PTPRQ: variants seen among roughly 807,000 people sequenced by gnomAD.
PTPRQ encodes protein tyrosine phosphatase receptor type Q, also known as phosphatidylinositol phosphatase PTPRQ.
Under a neutral mutation model 246.0 loss-of-function variants are expected in PTPRQ, and 199 were observed. The ratio of observed to expected loss-of-function variants is 0.81; its 90% CI spans 0.72 to 0.91. PTPRQ has a LOEUF of 0.91. Ranked by LOEUF, PTPRQ falls within the 40% of genes least tolerant of loss-of-function variation. The probability of loss-of-function intolerance (pLI) is 0.00; values close to 1 mark genes in which losing one functional copy is unlikely to be tolerated. For missense variants in PTPRQ, 2,624 were observed against 2,528.4 expected (o/e 1.04, Z -0.81); for synonymous variants, 869 against 853.2 (o/e 1.02, Z -0.32).
chr12:80,479,626 A>G (rs1289135958), intron 8 of PTPRQ, among the ~76,000 whole-genome samples: 14 of 141,934 alleles, frequency 9.9e-5, no homozygotes, highest in African/African-American at 3.8e-4. Flanking sequence ...TGTATTCAGG[A>G]AACCCATCTC....
chr12:80,650,501 C>T (rs1050125282), intron 37 of PTPRQ, among the ~76,000 whole-genome samples: 41 of 151,456 alleles, frequency 2.7e-4, no homozygotes, highest in African/African-American at 9.2e-4. Flanking sequence ...TATTTTTTTC[C>T]ATGAAATTTC....
At chr12:80,642,507 T>C (rs566529768) in intron 35 of PTPRQ, among the ~76,000 whole-genome samples, 2 of 152,314 alleles carry the variant, frequency 1.3e-5, no homozygotes, top group African/African-American at 4.8e-5. Flanking sequence ...GGCTTAGTAA[T>C]AAGGAAAATT....
chr12:80,541,752 T>C lies in PTPRQ; in HGVS notation c.3352T>C (p.Tyr1118His). 1 of 1,551,164 alleles carries C rather than the reference T, an allele frequency of 6.4e-7. No homozygotes were observed. The highest frequency in any genetic ancestry group is 2.4e-5 in the East Asian group (1 of 40,894). Residue 1118 changes from tyrosine to histidine, a missense_variant, in exon 21 of 45, where the codon TAC becomes CAC. Physicochemically the swap from Tyr to His is moderately conservative, Grantham distance 83. Transcript: ENST00000644991. ...RSIYFDNLEK[Y>H]TDYILKITPS... ...CATATATTTTGATAATCTGGAAAAA[T>C]ACACTGATTATATATTAAAAATTAC... is the stretch of plus-strand genomic sequence containing the variant.
Position 80,496,413 on chromosome 12 carries a change from C to T in PTPRQ, c.2154C>T (p.Asp718=), listed in dbSNP as rs749565156. The T allele has an allele frequency of 6.4e-7, 1 of 1,550,726 alleles. No homozygotes were observed. Among genetic ancestry groups the T allele is most frequent in the South Asian group, 1.2e-5 (1 of 83,992 alleles). The change falls in exon 14 of 45, where the codon GAC becomes GAT. Residue 718 remains aspartate (D), a synonymous_variant. Coordinates refer to ENST00000644991, the MANE Select transcript of PTPRQ (RefSeq NM_001145026.2). ...ATATGAAGAACACATCAACAACAGA[C>T]ATAATATTAAGGAACTTAAGACCTC... ...TLYMKNTSTT[D]IILRNLRPHT... is the part of the protein sequence containing the mutation.
In PTPRQ at chr12:80,635,158, G is replaced by T. The variant is rs902716458; in HGVS notation, c.5915+85G>T. Reference sequence around the variant, plus strand: ...TGACCTATGCTTGTTGGAAGTGTTTGTGGGGCTCTAATTTACACAGGTCAC... The same window carrying T: ...TGACCTATGCTTGTTGGAAGTGTTTTTGGGGCTCTAATTTACACAGGTCAC... On this transcript the variant is annotated intron_variant, in intron 35 of 44. Coordinates refer to ENST00000644991, the MANE Select transcript of PTPRQ (RefSeq NM_001145026.2). 1.4e-5 allele frequency: 21 copies of T among 1,485,798 alleles called. No individual in the cohort carries two copies. In the East Asian group the frequency reaches 4.9e-4, roughly 35 times the overall value. The allele number at this position is 1,485,798 out of a possible 1,614,324, so 92.0% of individuals were successfully genotyped here. A position where few individuals can be genotyped will look rare whatever the true frequency, so the allele number is the denominator to read the frequency against.
At chr12:80,676,588 G>A (rs1455108271) in intron 43 of PTPRQ, among the ~76,000 whole-genome samples, 2 of 152,166 alleles carry the variant, frequency 1.3e-5, no homozygotes, top group African/African-American at 4.8e-5. Context: ...GTTGCAGTGA[G>A]CCAAGACTGC....
At chr12:80,482,301 C>G (rs1018442098) in intron 8 of PTPRQ, among the ~76,000 whole-genome samples, 20 of 151,454 alleles carry the variant, frequency 1.3e-4, no homozygotes, top group African/African-American at 4.9e-4. Flanking sequence ...ATAAATGGTG[C>G]TGGGAAAACT....
In PTPRQ at chr12:80,670,447, G is replaced by C; in HGVS notation, c.6557G>C (p.Arg2186Pro). Reference sequence around the variant, plus strand: ...CTAATTCACTTTGTGAAGTTGGTTCGAGCAAGCAGGGCACATGACACCACA... The same window carrying C: ...CTAATTCACTTTGTGAAGTTGGTTCCAGCAAGCAGGGCACATGACACCACA... The part of the protein sequence containing the change: ...APLIHFVKLV[R>P]ASRAHDTTPM... Residue 2186 changes from arginine to proline, a missense_variant, in exon 42 of 45, where the codon CGA becomes CCA. Arg to Pro is a moderately radical substitution (Grantham distance 103, BLOSUM62 -2). Transcript: ENST00000644991. 6.4e-7 allele frequency: 1 copy of C among 1,551,190 alleles called. No homozygotes were observed. The highest frequency in any genetic ancestry group is 8.7e-7 in the Non-Finnish European group (1 of 1,146,594).
intron 6 of PTPRQ, among the ~76,000 whole-genome samples, chr12:80,461,488 G>A (rs1053805613): frequency 6.6e-6 from 1 of 151,560 alleles, no homozygotes; most frequent in Non-Finnish European, 1.5e-5. Context: ...TTTTGGTAAG[G>A]TATTCATATA....
chr12:80,498,835 A>G (rs1384312044), intron 14 of PTPRQ, among the ~76,000 whole-genome samples: 1 of 152,066 alleles, frequency 6.6e-6, no homozygotes, highest in Non-Finnish European at 1.5e-5. Context: ...TTTAATGATG[A>G]ATTATAAAGC....
chr12:80,563,441 A>T (rs897758500), intron 25 of PTPRQ, among the ~76,000 whole-genome samples: 7 of 152,182 alleles, frequency 4.6e-5, no homozygotes, highest in African/African-American at 1.7e-4. Flanking sequence ...CAGAGCCCTC[A>T]TGAGCTAATC....
chr12:80,620,020 A>G (rs1488979335), intron 31 of PTPRQ, 134 bp from the exon 32 acceptor site: 3 of 1,140,208 alleles, frequency 2.6e-6, no homozygotes, highest in African/African-American at 1.6e-5. Flanking sequence ...ATACAGGTGG[A>G]TCACTTGAAT....
chr12:80,490,712 G>A (rs1329685478), intron 9 of PTPRQ, among the ~76,000 whole-genome samples: 3 of 151,928 alleles, frequency 2.0e-5, no homozygotes, highest in African/African-American at 7.2e-5. Flanking sequence ...TAGTGCTGAG[G>A]TTGGGAACCC....
intron 25 of PTPRQ, among the ~76,000 whole-genome samples, chr12:80,584,689 G>T (rs903786634): frequency 6.6e-6 from 1 of 152,182 alleles, no homozygotes; most frequent in Admixed American, 6.5e-5. Flanking sequence ...TTTACAATCA[G>T]TGAAATTCCA....
intron 26 of PTPRQ, among the ~76,000 whole-genome samples, chr12:80,589,911 T>G (rs987387176): frequency 1.3e-5 from 2 of 152,174 alleles, no homozygotes; most frequent in Non-Finnish European, 2.9e-5. Flanking sequence ...CTTGGCCCTT[T>G]TCTCTTCTTT....
intron 43 of PTPRQ, among the ~76,000 whole-genome samples, chr12:80,678,182 A>C (rs991106283): frequency 3.5e-5 from 5 of 143,054 alleles, no homozygotes; most frequent in South Asian, 2.1e-4. Flanking sequence ...CTGATGATGT[A>C]TAGATATGCT....
chr12:80,492,320 C>T (rs980783817), intron 9 of PTPRQ, among the ~76,000 whole-genome samples: 3 of 151,914 alleles, frequency 2.0e-5, no homozygotes, highest in Admixed American at 6.6e-5. Flanking sequence ...ATTACTAATA[C>T]CATCCTGGTA....
chr12:80,573,525 T>C (rs932661644), intron 25 of PTPRQ, among the ~76,000 whole-genome samples: 1 of 152,122 alleles, frequency 6.6e-6, no homozygotes. Flanking sequence ...CTGGGATACA[T>C]GTACAGAATG....
Position 80,534,237 on chromosome 12 carries a change from C to T in PTPRQ, c.2839+62C>T. On this transcript the variant is annotated intron_variant, in intron 18 of 44. Coordinates refer to ENST00000644991, the MANE Select transcript of PTPRQ (RefSeq NM_001145026.2). ...TTTTTCTTTAAAAAAAAAATCCTGCCCAGAAAAATATTCAAATATCAAAAT... is the reference window on the plus strand; with the variant it reads ...TTTTTCTTTAAAAAAAAAATCCTGCTCAGAAAAATATTCAAATATCAAAAT... 3 of 1,367,000 alleles carry T rather than the reference C, an allele frequency of 2.2e-6. No individual in the cohort carries two copies. The South Asian group carries it at 5.3e-5, about 24-fold the overall frequency. The allele number at this position is 1,367,000 out of a possible 1,614,324, so 84.7% of individuals were successfully genotyped here.
Sources: gnomAD v4.1 joint callset for allele counts (sites outside exome capture counted in the v4.1 genomes callset) on GRCh38, gnomAD v4.1.1 for gene constraint, MANE v1.5 for transcripts, NCBI Gene and HGNC (gene_info 2026-07-23, HGNC 2026-07-21) for gene names.